Variants in MACROD2 observed in about 807,000 individuals in gnomAD.
The protein encoded by MACROD2 is ADP-ribose glycohydrolase MACROD2.
A neutral mutation model predicts 70.4 loss-of-function variants in MACROD2; 36 were observed. The observed-to-expected ratio is 0.51, with a 90% CI of 0.39 to 0.68. MACROD2 has a LOEUF of 0.68. Ranked by LOEUF, MACROD2 falls within the 30% of genes least tolerant of loss-of-function variation. MACROD2 has a pLI of 0.00. For synonymous variants in MACROD2, 172 were observed against 178.8 expected (o/e 0.96, Z 0.30); for missense variants, 496 against 538.4 (o/e 0.92, Z 0.78).
intron 15 of MACROD2, among the ~76,000 whole-genome samples, chr20:16,002,059 CAT>C (rs1219953301): frequency 1.3e-5 from 2 of 150,512 alleles, no homozygotes; most frequent in South Asian, 4.2e-4. Context: ...TATATATATA[CAT>C]GTGTGTATAT....
intron 3 of MACROD2, among the ~76,000 whole-genome samples, chr20:14,411,172 A>G (rs1029033904): frequency 6.6e-6 from 1 of 152,170 alleles, no homozygotes; most frequent in Non-Finnish European, 1.5e-5. Context: ...TTCTTTCTCT[A>G]GTGACCATAG....
At chr20:14,502,522 A>G (rs1000112508) in intron 4 of MACROD2, among the ~76,000 whole-genome samples, 26 of 152,138 alleles carry the variant, frequency 1.7e-4, no homozygotes, top group Admixed American at 4.6e-4. Context: ...TTCTAAAATG[A>G]TGGTTATAAT....
intron 1 of MACROD2, among the ~76,000 whole-genome samples, chr20:14,002,069 A>C (rs2052739428): frequency 6.6e-6 from 1 of 151,942 alleles, no homozygotes; most frequent in South Asian, 2.1e-4. Flanking sequence ...TTGGACTATC[A>C]TAAGAGAGTC....
At chr20:14,048,540 C>G (rs1263289433) in intron 2 of MACROD2, among the ~76,000 whole-genome samples, 2 of 152,238 alleles carry the variant, frequency 1.3e-5, no homozygotes, top group East Asian at 3.9e-4. Flanking sequence ...ACTATTGGGT[C>G]AGTTTCAGTA....
At chr20:14,165,230 A>G (rs1215272815) in intron 3 of MACROD2, among the ~76,000 whole-genome samples, 4 of 152,034 alleles carry the variant, frequency 2.6e-5, no homozygotes, top group Non-Finnish European at 4.4e-5. Flanking sequence ...GCAGCTCTCT[A>G]TGTTGGTCTC....
intron 6 of MACROD2, among the ~76,000 whole-genome samples, chr20:15,281,856 A>G (rs781066875): frequency 4.6e-5 from 7 of 152,110 alleles, no homozygotes; most frequent in Non-Finnish European, 1.0e-4. Flanking sequence ...TTTCCCTTCC[A>G]TACTGCCCTA....
At chr20:15,853,901 C>T (rs927947044) in intron 8 of MACROD2, among the ~76,000 whole-genome samples, 78 of 152,250 alleles carry the variant, frequency 5.1e-4, no homozygotes, top group African/African-American at 1.8e-3. Flanking sequence ...TAGAGATGAG[C>T]AGACTGAGGC....
At chr20:14,100,933 T>C (rs1017866818) in intron 3 of MACROD2, among the ~76,000 whole-genome samples, 3 of 148,972 alleles carry the variant, frequency 2.0e-5, no homozygotes, top group African/African-American at 7.4e-5. Context: ...TTCAAGAGTT[T>C]TGACATCTTT....
At chr20:15,703,855 A>G (rs1330222252) in intron 8 of MACROD2, among the ~76,000 whole-genome samples, 1 of 152,220 alleles carries the variant, frequency 6.6e-6, no homozygotes, top group Non-Finnish European at 1.5e-5. Flanking sequence ...AGAGCAAGTG[A>G]GGCAAGAAAA....
chr20:15,654,063 T>C (rs1443597195), intron 8 of MACROD2, among the ~76,000 whole-genome samples: 3 of 152,166 alleles, frequency 2.0e-5, no homozygotes, highest in Non-Finnish European at 2.9e-5. Flanking sequence ...GCGCTTTTCA[T>C]GGTTGACAGG....
intron 8 of MACROD2, among the ~76,000 whole-genome samples, chr20:15,528,370 C>T (rs540895352): frequency 6.6e-6 from 1 of 152,314 alleles, no homozygotes; most frequent in South Asian, 2.1e-4. Context: ...CCTGACCTGC[C>T]TTGGCCTCCC....
At chr20:14,776,983 T>C (rs2123779630) in intron 5 of MACROD2, among the ~76,000 whole-genome samples, 1 of 152,250 alleles carries the variant, frequency 6.6e-6, no homozygotes, top group South Asian at 2.1e-4. Context: ...ATTCATGTTT[T>C]GCATGTAGTC....
At chr20:14,240,980 A>G (rs1416004986) in intron 3 of MACROD2, among the ~76,000 whole-genome samples, 1 of 152,042 alleles carries the variant, frequency 6.6e-6, no homozygotes, top group Non-Finnish European at 1.5e-5. Flanking sequence ...AATACAAAAA[A>G]TAGCTGGGTG....
intron 4 of MACROD2, among the ~76,000 whole-genome samples, chr20:14,650,607 A>G (rs557113343): frequency 6.6e-6 from 1 of 152,204 alleles, no homozygotes; most frequent in Non-Finnish European, 1.5e-5. Flanking sequence ...TTTGTTGTCT[A>G]TGGTAAACTA....
chr20:15,423,163 G>A (rs758318356), intron 6 of MACROD2, among the ~76,000 whole-genome samples: 1 of 152,126 alleles, frequency 6.6e-6, no homozygotes, highest in Non-Finnish European at 1.5e-5. Context: ...TCAGTAATGT[G>A]CAATAGTAAG....
At chr20:14,179,801 A>G (rs1472334003) in intron 3 of MACROD2, among the ~76,000 whole-genome samples, 1 of 152,188 alleles carries the variant, frequency 6.6e-6, no homozygotes, top group Non-Finnish European at 1.5e-5. Flanking sequence ...TCAGTAGCCC[A>G]GGCCTTGGCT....
chr20:14,020,959 C>T (rs2053068348), intron 2 of MACROD2, among the ~76,000 whole-genome samples: 3 of 151,450 alleles, frequency 2.0e-5, no homozygotes, highest in Admixed American at 6.6e-5. Flanking sequence ...TCTAAATTCC[C>T]CTGTATACAC....
At chr20:15,194,555 C>T (rs1050838969) in intron 5 of MACROD2, among the ~76,000 whole-genome samples, 9 of 152,182 alleles carry the variant, frequency 5.9e-5, no homozygotes, top group African/African-American at 2.2e-4. Flanking sequence ...GTTTTTTAAT[C>T]ATTCCATAAC....
In MACROD2 at chr20:15,881,271, G is replaced by C. The variant is rs1335318058; in HGVS notation, c.728-4493G>C. The stretch of plus-strand genomic sequence containing the variant: ...GCAGTAGAGAAAGAGTTTAATGCAG[G>C]GCTAGCCAAGCAGAGGACAGAAGTT... On this transcript the variant is annotated intron_variant, in intron 9 of 17. Transcript: ENST00000684519. 3.9e-5 allele frequency among the ~76,000 whole-genome samples: 6 copies of C among 151,976 alleles called. No individual in the cohort carries two copies. In the East Asian group the frequency reaches 1.2e-3, roughly 29 times the overall value.
Sources: gnomAD v4.1 joint callset for allele counts (sites outside exome capture counted in the v4.1 genomes callset) on GRCh38, gnomAD v4.1.1 for gene constraint, MANE v1.5 for transcripts, NCBI Gene and HGNC (gene_info 2026-07-23, HGNC 2026-07-21) for gene names.